Variants in ANO2 observed in about 807,000 individuals in gnomAD.
ANO2 encodes anoctamin 2, also known as anoctamin-2.
In ANO2, 101 loss-of-function variants were observed where a neutral mutation model predicts 124.2. That is an observed-to-expected ratio of 0.81 (90% confidence interval 0.69 to 0.96). The LOEUF (loss-of-function observed/expected upper bound fraction) is 0.96, where lower values mean the gene tolerates loss of function less well. ANO2 is among the 40% of genes least tolerant of loss of function. The pLI, the probability that ANO2 is intolerant of heterozygous loss-of-function variation, is 0.00. For missense variants in ANO2, 1,293 were observed against 1,274.5 expected (o/e 1.01, Z -0.22); for synonymous variants, 486 against 482.5 (o/e 1.01, Z -0.09).
chr12:5,638,237 CTTT>C (rs35224024), intron 15 of ANO2, among the ~76,000 whole-genome samples: 1 of 124,838 alleles, frequency 8.0e-6, no homozygotes, highest in Non-Finnish European at 1.7e-5. Context: ...GTTTCTTTTC[CTTT>C]TTTTTTTTTT....
chr12:5,631,883 G>A (rs1945736865), intron 16 of ANO2, among the ~76,000 whole-genome samples: 1 of 152,108 alleles, frequency 6.6e-6, no homozygotes. Context: ...CTGTCTGAGG[G>A]TGCTGACTGG....
chr12:5,924,899 G>A (rs10849357), intron 1 of ANO2, among the ~76,000 whole-genome samples: 129,519 of 152,122 alleles, frequency 0.85, 55,186 homozygotes, highest in South Asian at 0.9. Flanking sequence ...AAAATAAACG[G>A]AATTGATTGA....
rs191327413 is a variant in ANO2, at chr12:5,731,259, C to A, written c.1545+1261G>T. On this transcript the variant is annotated intron_variant, in intron 14 of 24. Coordinates refer to ENST00000682330, the MANE Select transcript of ANO2 (RefSeq NM_001364791.2). ...GATTAGTCTTTCCTAAGAATGAATT[C>A]ATTATTTCCCTGAATAATTGGTGGT... 2.0e-5 allele frequency among the ~76,000 whole-genome samples: 3 copies of A among 152,066 alleles called. No homozygotes were observed. In the East Asian group the frequency reaches 5.8e-4, roughly 29 times the overall value.
intron 13 of ANO2, 28 bp downstream of exon 13, chr12:5,739,289 T>A (rs1456325758): frequency 6.4e-7 from 1 of 1,556,816 alleles, no homozygotes; most frequent in Non-Finnish European, 8.7e-7. Flanking sequence ...CCCACAGAAG[T>A]ATGTGAGAAA....
intron 3 of ANO2, among the ~76,000 whole-genome samples, chr12:5,867,510 T>C (rs959757936): frequency 1.3e-5 from 2 of 152,200 alleles, no homozygotes; most frequent in East Asian, 3.8e-4. Flanking sequence ...AGTGCTCCAC[T>C]GAGACTTCCC....
At position 5,847,129 on chromosome 12, in the gene ANO2, G is replaced by A. The variant is rs115073470; in HGVS notation, c.633+6914C>T. Among the ~76,000 whole-genome samples the A allele has an allele frequency of 5.5e-3, 845 of 152,258 alleles. 7 individuals carry two copies. The highest frequency in any genetic ancestry group is 0.02 in the African/African-American group (818 of 41,544). On this transcript the variant is annotated intron_variant, in intron 4 of 24. Transcript: ENST00000682330. ...AGTAGAGCAGATTACCCTCCCTAAT[G>A]TGGTGGGCCTCATCCAATCAGTTGA...
At chr12:5,592,252 G>A (rs1377259005) in intron 20 of ANO2, among the ~76,000 whole-genome samples, 1 of 152,130 alleles carries the variant, frequency 6.6e-6, no homozygotes, top group East Asian at 1.9e-4. Flanking sequence ...TACCCATGCT[G>A]AGTGTTGCGA....
chr12:5,643,070 A>G (rs942644123), intron 15 of ANO2, among the ~76,000 whole-genome samples: 2 of 151,832 alleles, frequency 1.3e-5, no homozygotes, highest in Admixed American at 1.3e-4. Context: ...TTTTACACAC[A>G]CACACACACA....
At chr12:5,786,894 A>G (rs1018231088) in intron 10 of ANO2, among the ~76,000 whole-genome samples, 1 of 152,234 alleles carries the variant, frequency 6.6e-6, no homozygotes, top group African/African-American at 2.4e-5. Flanking sequence ...CAATTAGATC[A>G]TGCACACAAA....
At chr12:5,848,655 G>A (rs1249843822) in intron 4 of ANO2, among the ~76,000 whole-genome samples, 5 of 152,166 alleles carry the variant, frequency 3.3e-5, no homozygotes, top group Non-Finnish European at 5.9e-5. Context: ...GAGCCGTCGT[G>A]TTTACAGACG....
intron 3 of ANO2, among the ~76,000 whole-genome samples, chr12:5,915,999 A>G (rs1941353283): frequency 6.6e-6 from 1 of 151,216 alleles, no homozygotes; most frequent in South Asian, 2.1e-4. Context: ...GAGTCTGGCC[A>G]GGCACTGTGG....
At chr12:5,906,649 G>T (rs573689523) in intron 3 of ANO2, among the ~76,000 whole-genome samples, 6 of 152,164 alleles carry the variant, frequency 3.9e-5, no homozygotes, top group African/African-American at 1.4e-4. Flanking sequence ...ACAAAAATTA[G>T]CTGGGCATGG....
At chr12:5,838,892 A>G (rs903182388) in intron 4 of ANO2, among the ~76,000 whole-genome samples, 2 of 152,194 alleles carry the variant, frequency 1.3e-5, no homozygotes, top group African/African-American at 2.4e-5. Flanking sequence ...GCTGACACCA[A>G]TGAGATGTGC....
intron 3 of ANO2, among the ~76,000 whole-genome samples, chr12:5,867,575 G>A (rs909426431): frequency 8.6e-4 from 131 of 152,052 alleles, no homozygotes; most frequent in African/African-American, 3.0e-3. Context: ...ACATCTGTCC[G>A]ACCTGACATA....
chr12:5,640,476 C>G (rs959651957), intron 15 of ANO2, among the ~76,000 whole-genome samples: 2 of 152,052 alleles, frequency 1.3e-5, no homozygotes, highest in Non-Finnish European at 2.9e-5. Flanking sequence ...TGCAATCTGC[C>G]CATCTGACAA....
chr12:5,748,183 G>A (rs1444435650), intron 11 of ANO2, among the ~76,000 whole-genome samples: 3 of 152,342 alleles, frequency 2.0e-5, no homozygotes, highest in Admixed American at 6.5e-5. Flanking sequence ...TGCAGACCAC[G>A]TCCTTTCCAG....
At chr12:5,889,036 C>T (rs984113218) in intron 3 of ANO2, among the ~76,000 whole-genome samples, 11 of 152,238 alleles carry the variant, frequency 7.2e-5, no homozygotes, top group African/African-American at 1.2e-4. Flanking sequence ...AACCCCGCCC[C>T]GTGGGGAGGC....
At chr12:5,741,896 G>T (rs903023475) in intron 12 of ANO2, among the ~76,000 whole-genome samples, 9 of 152,146 alleles carry the variant, frequency 5.9e-5, no homozygotes, top group Non-Finnish European at 1.3e-4. Context: ...TACCTGCCAT[G>T]GGATCCCTAG....
Position 5,768,307 on chromosome 12 carries a change from G to C in ANO2, c.1056-17337C>G, listed in dbSNP as rs2137116646. Among the ~76,000 whole-genome samples the C allele has an allele frequency of 1.3e-5, 2 of 152,214 alleles. 1 individual carries two copies. The highest frequency in any genetic ancestry group is 4.1e-4 in the South Asian group (2 of 4,820). ...CTGAGGATCTTCCCTCATTGGAAAGGCTTGTTCTCCCTTCCTGGCTGGTGG... is the reference window on the plus strand; with the variant it reads ...CTGAGGATCTTCCCTCATTGGAAAGCCTTGTTCTCCCTTCCTGGCTGGTGG... On this transcript the variant is annotated intron_variant, in intron 10 of 24. Coordinates refer to ENST00000682330, the MANE Select transcript of ANO2 (RefSeq NM_001364791.2).
Sources: gnomAD v4.1 joint callset for allele counts (sites outside exome capture counted in the v4.1 genomes callset) on GRCh38, gnomAD v4.1.1 for gene constraint, MANE v1.5 for transcripts, NCBI Gene and HGNC (gene_info 2026-07-23, HGNC 2026-07-21) for gene names.